STK38: variants seen among roughly 807,000 people sequenced by gnomAD.
STK38 encodes serine/threonine-protein kinase 38.
STK38 carries 26 observed loss-of-function variants against 59.0 expected under a neutral mutation model. The observed-to-expected ratio is 0.44, with a 90% CI of 0.32 to 0.61. The LOEUF is 0.61. STK38 is among the 20% of genes least tolerant of loss of function. The pLI, the probability that STK38 is intolerant of heterozygous loss-of-function variation, is 0.04. For missense variants in STK38, 433 were observed against 566.0 expected (o/e 0.76, Z 2.38); for synonymous variants, 175 against 176.6 (o/e 0.99, Z 0.07).
intron 10 of STK38, 149 bp downstream of exon 10, chr6:36,499,724 G>A (rs1186389017): frequency 5.8e-6 from 4 of 691,602 alleles, no homozygotes; most frequent in African/African-American, 1.8e-5. Context: ...ACATCTTACT[G>A]AAAGAGGTGT....
Position 36,494,013 on chromosome 6 carries a change from T to G in STK38, c.*1771A>C, listed in dbSNP as rs1776641653. The G allele has an allele frequency of 6.6e-6, 1 of 152,236 alleles. No individual in the cohort carries two copies. The highest frequency in any genetic ancestry group is 1.5e-5 in the Non-Finnish European group (1 of 68,044). 9.4% of individuals were successfully genotyped at this position (152,236 alleles called of 1,614,324 possible). On this transcript the variant is annotated 3_prime_UTR_variant, in exon 14 of 14. Transcript: ENST00000229812. ...TCCCAACACCGCAGTTCCTTCTCTT[T>G]ACCCAGGCTTACCACACATTCTTGC...
Position 36,540,126 on chromosome 6 carries a change from G to A in STK38, c.77C>T (p.Thr26Ile). Residue 26 changes from threonine to isoleucine, a missense_variant, in exon 2 of 14, where the codon ACA (threonine) becomes ATA (isoleucine). Around this residue, in one of 3 missense-constraint regions of STK38, gnomAD observed 293 missense variants for 388.2 expected, o/e 0.75. Transcript: ENST00000229812. ...AAGGTTGCTATAAAAATTCTCCAGT[G>A]TCACTTTGGTCATTGTCACCCTTTC... ...TKERVTMTKVTLENFYSNLIA... is the reference protein window; with the variant it reads ...TKERVTMTKVILENFYSNLIA... 1 of 1,614,064 alleles carries A rather than the reference G, an allele frequency of 6.2e-7. No homozygotes were observed. The highest frequency in any genetic ancestry group is 1.1e-5 in the South Asian group (1 of 91,082).
intron 2 of STK38, among the ~76,000 whole-genome samples, chr6:36,527,308 GTA>G (rs1426160887): frequency 2.8e-5 from 4 of 141,418 alleles, no homozygotes; most frequent in South Asian, 2.2e-4. Flanking sequence ...ATGTATATAC[GTA>G]TATATACACA....
Position 36,494,671 on chromosome 6 carries a change from G to A in STK38, c.*1113C>T, listed in dbSNP as rs919834412. 7 of 152,668 alleles carry A rather than the reference G, an allele frequency of 4.6e-5. No homozygotes were observed. Among genetic ancestry groups the A allele is most frequent in the Non-Finnish European group, 1.5e-5 (1 of 68,096 alleles). 9.5% of individuals were successfully genotyped at this position (152,668 alleles called of 1,614,324 possible). A position where few individuals can be genotyped will look rare whatever the true frequency, so the allele number is the denominator to read the frequency against. On this transcript the variant is annotated 3_prime_UTR_variant, in exon 14 of 14. Coordinates refer to ENST00000229812, the MANE Select transcript of STK38 (RefSeq NM_007271.4). Reference sequence around the variant, plus strand: ...GAAAAAATTGTAATCATGATTCCAAGGCAAAATGGCTAAAGTTGGGAGAGA... The same window carrying A: ...GAAAAAATTGTAATCATGATTCCAAAGCAAAATGGCTAAAGTTGGGAGAGA...
rs770535478 is a variant in STK38, at chr6:36,497,920, CAGAAAA to C, written c.1077-51_1077-46del. The C allele has an allele frequency of 1.5e-5, 19 of 1,260,478 alleles. No individual in the cohort carries two copies. The African/African-American group carries it at 2.0e-4, about 13-fold the overall frequency. 78.1% of individuals were successfully genotyped at this position (1,260,478 alleles called of 1,614,324 possible). A position where few individuals can be genotyped will look rare whatever the true frequency, so the allele number is the denominator to read the frequency against. On this transcript the variant is annotated intron_variant, in intron 11 of 13. Coordinates refer to ENST00000229812, the MANE Select transcript of STK38 (RefSeq NM_007271.4). ...TTCAGCACATCTCAAGCAGTCTCCT[CAGAAAA>C]AGAAAAACTTTCTTTTTTTTTTTTT...
At chr6:36,535,934 T>C (rs1254157712) in intron 2 of STK38, among the ~76,000 whole-genome samples, 2 of 150,668 alleles carry the variant, frequency 1.3e-5, no homozygotes, top group Non-Finnish European at 2.9e-5. Context: ...AATTAATAAC[T>C]TGACTCTAAA....
Position 36,494,665 on chromosome 6 carries a change from T to C in STK38, c.*1119A>G, listed in dbSNP as rs1163939331. On this transcript the variant is annotated 3_prime_UTR_variant, in exon 14 of 14. Coordinates refer to ENST00000229812, the MANE Select transcript of STK38 (RefSeq NM_007271.4). ...GCAAAGGAAAAAATTGTAATCATGA[T>C]TCCAAGGCAAAATGGCTAAAGTTGG... is the stretch of plus-strand genomic sequence containing the variant. 1 of 152,618 alleles carries C rather than the reference T, an allele frequency of 6.6e-6. No homozygotes were observed. Among genetic ancestry groups the C allele is most frequent in the Non-Finnish European group, 1.5e-5 (1 of 68,086 alleles). 9.5% of individuals were successfully genotyped at this position (152,618 alleles called of 1,614,324 possible).
chr6:36,518,561 C>T (rs1188024742), intron 5 of STK38, among the ~76,000 whole-genome samples: 3 of 152,138 alleles, frequency 2.0e-5, no homozygotes, highest in Non-Finnish European at 4.4e-5. Flanking sequence ...CCCCCACACA[C>T]ACTTTTTTTA....
intron 7 of STK38, among the ~76,000 whole-genome samples, chr6:36,513,961 A>T (rs9470303): frequency 1.3e-5 from 2 of 150,868 alleles, no homozygotes; most frequent in Non-Finnish European, 1.5e-5. Context: ...CGAGACCATC[A>T]TGGCTAACAC....
intron 1 of STK38, 68 bp from the exon 2 acceptor site, chr6:36,540,275 C>G (rs1663554991): frequency 1.3e-6 from 2 of 1,514,472 alleles, no homozygotes; most frequent in African/African-American, 2.8e-5. Context: ...ACTCTCCTAC[C>G]CTATTGGTAG....
At chr6:36,522,451 G>C (rs1356892012) in intron 4 of STK38, 1 of 152,210 alleles carries the variant, frequency 6.6e-6, no homozygotes, top group African/African-American at 2.4e-5. Flanking sequence ...GATCGTGCCT[G>C]TAAACAGCCA....
intron 7 of STK38, among the ~76,000 whole-genome samples, chr6:36,509,042 G>A (rs990951957): frequency 4.6e-5 from 7 of 152,338 alleles, no homozygotes; most frequent in East Asian, 3.9e-4. Flanking sequence ...AAGGGCCGCC[G>A]CTCTTCTCTC....
At chr6:36,514,311 C>CA (rs56658213) in intron 7 of STK38, among the ~76,000 whole-genome samples, 32,148 of 120,774 alleles carry the variant, frequency 0.27, 3,655 homozygotes, top group East Asian at 0.42. Flanking sequence ...GAGACCGTCT[C>CA]AAAAAAAAAA....
chr6:36,544,120 A>G (rs906387842), intron 1 of STK38, among the ~76,000 whole-genome samples: 3 of 152,214 alleles, frequency 2.0e-5, no homozygotes, highest in Admixed American at 1.3e-4. Context: ...CACATAAATA[A>G]TTCCTTCAGA....
chr6:36,523,315 T>C (rs566494333), intron 4 of STK38, among the ~76,000 whole-genome samples: 59 of 138,852 alleles, frequency 4.2e-4, no homozygotes, highest in Admixed American at 1.0e-3. Context: ...CAGGCTGGAG[T>C]GCAATGGTGC....
chr6:36,533,460 A>T (rs965464513), intron 2 of STK38, among the ~76,000 whole-genome samples: 6 of 152,198 alleles, frequency 3.9e-5, no homozygotes, highest in Non-Finnish European at 5.9e-5. Context: ...TATTTTTAAA[A>T]TTTTGTTTAT....
At chr6:36,520,892 C>T (rs2127478822) in intron 5 of STK38, among the ~76,000 whole-genome samples, 1 of 152,230 alleles carries the variant, frequency 6.6e-6, no homozygotes, top group South Asian at 2.1e-4. Flanking sequence ...GGATGTGGGG[C>T]CAATCTCCAT....
At chr6:36,527,391 G>T (rs1351742656) in intron 2 of STK38, among the ~76,000 whole-genome samples, 1 of 147,716 alleles carries the variant, frequency 6.8e-6, no homozygotes, top group Non-Finnish European at 1.5e-5. Flanking sequence ...ACACATATAT[G>T]TATATAAAAA....
At chr6:36,526,913 G>C (rs546925047) in intron 2 of STK38, among the ~76,000 whole-genome samples, 2 of 148,086 alleles carry the variant, frequency 1.4e-5, no homozygotes, top group Non-Finnish European at 3.0e-5. Context: ...AAACAAAAAG[G>C]CCGGGCGTGG....
Sources: allele counts gnomAD v4.1 joint callset (sites outside exome capture counted in the v4.1 genomes callset), GRCh38; gene constraint gnomAD v4.1.1; regional missense constraint gnomAD v4.1.1; transcripts MANE v1.5; gene names NCBI Gene and HGNC (gene_info 2026-07-23, HGNC 2026-07-21).